XKR4: variants seen among roughly 807,000 people sequenced by gnomAD.
The protein encoded by XKR4 is XK related 4.
Under a neutral mutation model 53.9 loss-of-function variants are expected in XKR4, and 12 were observed. The ratio of observed to expected loss-of-function variants is 0.22; its 90% CI spans 0.14 to 0.36. The LOEUF (loss-of-function observed/expected upper bound fraction) is 0.36, where lower values mean the gene tolerates loss of function less well. XKR4 is among the 10% of genes least tolerant of loss of function. XKR4 has a pLI of 1.00. For synonymous variants in XKR4, 354 were observed against 362.4 expected (o/e 0.98, Z 0.26); for missense variants, 799 against 859.5 (o/e 0.93, Z 0.88).
At chr8:55,208,488 T>G (rs575474793) in intron 1 of XKR4, among the ~76,000 whole-genome samples, 1 of 152,274 alleles carries the variant, frequency 6.6e-6, no homozygotes, top group East Asian at 1.9e-4. Context: ...TTTTCTTTTT[T>G]TTTTGAGACT....
chr8:55,186,748 CT>C (rs1038781622), intron 1 of XKR4, among the ~76,000 whole-genome samples: 22 of 152,084 alleles, frequency 1.4e-4, no homozygotes, highest in South Asian at 4.2e-4. Flanking sequence ...AGAATATATA[CT>C]TTTTTTTCCA....
intron 2 of XKR4, among the ~76,000 whole-genome samples, chr8:55,480,708 AGG>A (rs1328934074): frequency 6.7e-6 from 1 of 148,580 alleles, no homozygotes; most frequent in Non-Finnish European, 1.5e-5. Context: ...GCAAAGACTC[AGG>A]ATACAAAATC....
At chr8:55,449,801 G>T in intron 2 of XKR4, 1 of 1,202,692 alleles carries the variant, frequency 8.3e-7, no homozygotes, top group African/African-American at 1.5e-5. Context: ...CTTCATGAAG[G>T]CCCCCTTCTT....
At chr8:55,203,095 G>T (rs1324303483) in intron 1 of XKR4, among the ~76,000 whole-genome samples, 1 of 152,258 alleles carries the variant, frequency 6.6e-6, no homozygotes, top group Non-Finnish European at 1.5e-5. Context: ...GCTTGGCACA[G>T]AATAGCTACC....
Position 55,524,262 on chromosome 8 carries a change from T to C in XKR4, c.*35T>C, listed in dbSNP as rs558357179. 6.3e-6 allele frequency: 10 copies of C among 1,579,356 alleles called. No homozygotes were observed. The highest frequency in any genetic ancestry group is 1.2e-5 in the South Asian group (1 of 85,160). On this transcript the variant is annotated 3_prime_UTR_variant, in exon 3 of 3. Coordinates refer to ENST00000327381, the MANE Select transcript of XKR4 (RefSeq NM_052898.2). ...AGTTGCAGGACCCACAACATCCAGA[T>C]GAAGGGGTGACAGCAGGGCTGTGGC...
rs1263556357 is a variant in XKR4, at chr8:55,187,457, T to A, written c.806+84163T>A. Among the ~76,000 whole-genome samples the A allele has an allele frequency of 2.0e-5, 3 of 152,292 alleles. No homozygotes were observed. The East Asian group carries it at 5.8e-4, about 29-fold the overall frequency. On this transcript the variant is annotated intron_variant, in intron 1 of 2. Transcript: ENST00000327381. ...TTTGGAAATTCTTAAGATTCTGAGA[T>A]CATGATGTCGTAATTAGGAAGGGGC...
At chr8:55,521,378 A>AT (rs1272911125) in intron 2 of XKR4, among the ~76,000 whole-genome samples, 1 of 152,132 alleles carries the variant, frequency 6.6e-6, no homozygotes, top group African/African-American at 2.4e-5. Context: ...TTCTTTTGTC[A>AT]TTTTTTAAAC....
At chr8:55,479,724 C>T (rs1806067731) in intron 2 of XKR4, among the ~76,000 whole-genome samples, 1 of 152,170 alleles carries the variant, frequency 6.6e-6, no homozygotes, top group South Asian at 2.1e-4. Flanking sequence ...GATATCACCA[C>T]CAATCCCACA....
At chr8:55,448,312 C>T (rs930696053) in intron 2 of XKR4, among the ~76,000 whole-genome samples, 3 of 152,170 alleles carry the variant, frequency 2.0e-5, no homozygotes, top group African/African-American at 4.8e-5. Context: ...GAACAAGATG[C>T]GGTGTGCACA....
intron 1 of XKR4, among the ~76,000 whole-genome samples, chr8:55,274,267 C>A (rs1482852460): frequency 6.6e-6 from 1 of 152,176 alleles, no homozygotes; most frequent in Admixed American, 6.5e-5. Context: ...ACAGAAATTT[C>A]TTTTCTCACA....
chr8:55,261,411 G>T (rs951744666), intron 1 of XKR4, among the ~76,000 whole-genome samples: 18 of 152,182 alleles, frequency 1.2e-4, no homozygotes, highest in African/African-American at 3.9e-4. Context: ...AACACTTTCA[G>T]ATCTTAGTTT....
intron 1 of XKR4, among the ~76,000 whole-genome samples, chr8:55,259,707 A>G (rs1818491653): frequency 6.6e-6 from 1 of 152,134 alleles, no homozygotes; most frequent in South Asian, 2.1e-4. Context: ...TGATCTACCT[A>G]TCTGGTCATT....
chr8:55,387,397 A>T (rs113414984), intron 2 of XKR4, among the ~76,000 whole-genome samples: 4,183 of 152,158 alleles, frequency 0.027, 171 homozygotes, highest in African/African-American at 0.095. Context: ...GAACTTCCAC[A>T]TTCTCTGTTA....
At chr8:55,452,093 G>C in intron 2 of XKR4, 2 of 699,594 alleles carry the variant, frequency 2.9e-6, no homozygotes, top group East Asian at 2.6e-5. Context: ...CGGGTGTGTA[G>C]GTAGAGCCCA....
chr8:55,484,944 T>A (rs1332326188), intron 2 of XKR4, among the ~76,000 whole-genome samples: 1 of 152,244 alleles, frequency 6.6e-6, no homozygotes, highest in Non-Finnish European at 1.5e-5. Flanking sequence ...TGGATCTGAC[T>A]TCTCAGCCTC....
At chr8:55,186,910 A>G (rs1429654057) in intron 1 of XKR4, among the ~76,000 whole-genome samples, 1 of 152,186 alleles carries the variant, frequency 6.6e-6, no homozygotes, top group Non-Finnish European at 1.5e-5. Flanking sequence ...TCTAGGGAAC[A>G]AGCAATTATA....
chr8:55,365,233 G>A (rs1384830919), intron 2 of XKR4, among the ~76,000 whole-genome samples: 8 of 152,242 alleles, frequency 5.3e-5, no homozygotes, highest in African/African-American at 1.9e-4. Flanking sequence ...CGCGCTGGCT[G>A]CCGCTGGCCC....
chr8:55,434,410 CGT>C (rs10598891), intron 2 of XKR4, among the ~76,000 whole-genome samples: 23,097 of 148,066 alleles, frequency 0.16, 2,080 homozygotes, highest in East Asian at 0.31. Context: ...TGATACCAAT[CGT>C]GTGTGTGTGT....
intron 2 of XKR4, among the ~76,000 whole-genome samples, chr8:55,360,188 A>G (rs1803879688): frequency 6.6e-6 from 1 of 152,150 alleles, no homozygotes; most frequent in Non-Finnish European, 1.5e-5. Context: ...AGGTGGGTAG[A>G]TGGTTGTGTT....
Sources: gnomAD v4.1 joint callset for allele counts (sites outside exome capture counted in the v4.1 genomes callset) on GRCh38, gnomAD v4.1.1 for gene constraint, MANE v1.5 for transcripts, NCBI Gene and HGNC (gene_info 2026-07-23, HGNC 2026-07-21) for gene names.